GALNT13: variants seen among roughly 807,000 people sequenced by gnomAD.
GALNT13 encodes the protein UDP-GalNAc:polypeptide N-acetylgalactosaminyltransferase 13.
Under a neutral mutation model 64.2 loss-of-function variants are expected in GALNT13, and 28 were observed. That is an observed-to-expected ratio of 0.44 (90% CI 0.32 to 0.60). The LOEUF is 0.60. Among genes scored for constraint, GALNT13 ranks in the 20% least tolerant of loss-of-function variants. The pLI is 0.05. For missense variants in GALNT13, 577 were observed against 669.8 expected (o/e 0.86, Z 1.53); for synonymous variants, 214 against 224.6 (o/e 0.95, Z 0.42).
chr2:154,353,091 G>T (rs1038409952), intron 9 of GALNT13, among the ~76,000 whole-genome samples: 3 of 152,062 alleles, frequency 2.0e-5, no homozygotes. Flanking sequence ...CATCAACTCA[G>T]CCATTTATTG....
At chr2:154,066,839 T>C (rs1301573033) in intron 3 of GALNT13, among the ~76,000 whole-genome samples, 4 of 151,834 alleles carry the variant, frequency 2.6e-5, no homozygotes, top group African/African-American at 9.7e-5. Context: ...ACACAGACTA[T>C]TGTAACACTT....
At chr2:154,427,583 G>A (rs1018344226) in intron 11 of GALNT13, among the ~76,000 whole-genome samples, 2 of 152,176 alleles carry the variant, frequency 1.3e-5, no homozygotes, top group African/African-American at 2.4e-5. Context: ...AGCAGAAAGA[G>A]TGAATGCTTT....
At chr2:153,918,007 CAT>C (rs1276751626) in intron 2 of GALNT13, among the ~76,000 whole-genome samples, 1 of 151,742 alleles carries the variant, frequency 6.6e-6, no homozygotes, top group African/African-American at 2.4e-5. Context: ...TGCATGTACA[CAT>C]GTGTGAGTGC....
At chr2:154,059,510 C>A (rs570471504) in intron 3 of GALNT13, among the ~76,000 whole-genome samples, 1 of 152,164 alleles carries the variant, frequency 6.6e-6, no homozygotes, top group Non-Finnish European at 1.5e-5. Flanking sequence ...TAATTCCTAC[C>A]AAATTGTATA....
the GALNT13 span, among the ~76,000 whole-genome samples, chr2:153,080,470 CTT>C: frequency 6.6e-6 from 1 of 152,006 alleles, no homozygotes; most frequent in Non-Finnish European, 1.5e-5. Context: ...AGATAAGGCT[CTT>C]TTTGTGTTAA....
chr2:153,181,015 T>C, the GALNT13 span, among the ~76,000 whole-genome samples: 1 of 142,986 alleles, frequency 7.0e-6, no homozygotes, highest in Non-Finnish European at 1.5e-5. Context: ...ATTTATTTTC[T>C]GGTTTTTATT....
In GALNT13 at chr2:154,369,272, C is replaced by T. The variant is rs186360234; in HGVS notation, c.1157-26719C>T. On this transcript the variant is annotated intron_variant, in intron 9 of 12. Transcript: ENST00000392825. The stretch of plus-strand genomic sequence containing the variant: ...ATAGAAAGAGCACAAACTTTGTAAA[C>T]AGACTGGACTAAGTCCTGCTCACTT... Among the ~76,000 whole-genome samples, 12 of 152,106 alleles carry T rather than the reference C, an allele frequency of 7.9e-5. No individual in the cohort carries two copies. The East Asian group carries it at 2.3e-3, about 29-fold the overall frequency.
the GALNT13 span, among the ~76,000 whole-genome samples, chr2:153,172,965 T>A: frequency 6.6e-6 from 1 of 152,168 alleles, no homozygotes; most frequent in Non-Finnish European, 1.5e-5. Context: ...TATTTAAGCT[T>A]CATGTGCTTC....
the GALNT13 span, among the ~76,000 whole-genome samples, chr2:153,618,995 T>A: frequency 6.6e-6 from 1 of 152,026 alleles, no homozygotes; most frequent in Non-Finnish European, 1.5e-5. Flanking sequence ...TGTCTTTTGA[T>A]TGGAGAGTTT....
the GALNT13 span, among the ~76,000 whole-genome samples, chr2:153,821,227 ATT>A: frequency 1.3e-5 from 2 of 152,104 alleles, no homozygotes; most frequent in Non-Finnish European, 2.9e-5. Flanking sequence ...TAAGTTCAGC[ATT>A]TTACCAGTTG....
the GALNT13 span, among the ~76,000 whole-genome samples, chr2:153,364,591 A>G: frequency 6.6e-6 from 1 of 152,182 alleles, no homozygotes; most frequent in Non-Finnish European, 1.5e-5. Context: ...TACGCCAACA[A>G]TAGACAAGCA....
intron 2 of GALNT13, among the ~76,000 whole-genome samples, chr2:153,925,818 C>T (rs1244939296): frequency 6.6e-6 from 1 of 151,886 alleles, no homozygotes; most frequent in Non-Finnish European, 1.5e-5. Context: ...CTTTTTGTGG[C>T]AGTTGTGAAT....
chr2:154,390,210 C>G (rs953523142), intron 9 of GALNT13, among the ~76,000 whole-genome samples: 1 of 152,122 alleles, frequency 6.6e-6, no homozygotes, highest in African/African-American at 2.4e-5. Context: ...ATGCAATAGA[C>G]TTACTATGAA....
intron 4 of GALNT13, among the ~76,000 whole-genome samples, chr2:154,165,857 C>G (rs1007417861): frequency 6.6e-6 from 1 of 152,156 alleles, no homozygotes; most frequent in Admixed American, 6.5e-5. Flanking sequence ...AAGGATATCA[C>G]TGGGTCAAAC....
chr2:153,892,373 A>G lies in GALNT13; in HGVS notation c.-176-8563A>G, dbSNP rs140401393. On this transcript the variant is annotated intron_variant, in intron 1 of 12. Transcript: ENST00000392825. ...ATAATGAGGATATAAAAATATTAACATAATCTCTTGCAATGATAATCTCTA... is the reference window on the plus strand; with the variant it reads ...ATAATGAGGATATAAAAATATTAACGTAATCTCTTGCAATGATAATCTCTA... Among the ~76,000 whole-genome samples the G allele has an allele frequency of 9.2e-4, 140 of 152,196 alleles. No homozygotes were observed. The East Asian group carries it at 0.016, about 18-fold the overall frequency.
the GALNT13 span, among the ~76,000 whole-genome samples, chr2:153,390,894 A>C: frequency 4.6e-5 from 7 of 152,092 alleles, no homozygotes; most frequent in African/African-American, 9.7e-5. Flanking sequence ...GTAAATAAGA[A>C]AATTTTATAA....
chr2:153,784,597 C>A, the GALNT13 span, among the ~76,000 whole-genome samples: 17 of 152,220 alleles, frequency 1.1e-4, no homozygotes, highest in Non-Finnish European at 1.5e-5. Flanking sequence ...AGCAGCCACT[C>A]AGGCACTCCC....
the GALNT13 span, among the ~76,000 whole-genome samples, chr2:153,525,125 C>T: frequency 6.6e-6 from 1 of 152,226 alleles, no homozygotes; most frequent in Non-Finnish European, 1.5e-5. Context: ...TACTGGATGA[C>T]TTTCCTAGAC....
intron 10 of GALNT13, among the ~76,000 whole-genome samples, chr2:154,397,266 T>C (rs1439787555): frequency 6.6e-6 from 1 of 151,816 alleles, no homozygotes; most frequent in African/African-American, 2.4e-5. Context: ...AAACCCCGTC[T>C]CTACTAAAAA....
Sources: gnomAD v4.1 joint callset for allele counts (sites outside exome capture counted in the v4.1 genomes callset) on GRCh38, gnomAD v4.1.1 for gene constraint, MANE v1.5 for transcripts, NCBI Gene and HGNC (gene_info 2026-07-23, HGNC 2026-07-21) for gene names.